GALNT17: variants seen among roughly 807,000 people sequenced by gnomAD.
GALNT17 encodes UDP-GalNAc:polypeptide N-acetylgalactosaminyltransferase-like 3.
Under a neutral mutation model 63.7 loss-of-function variants are expected in GALNT17, and 29 were observed. That is an observed-to-expected ratio of 0.46 (90% CI 0.34 to 0.62). The LOEUF is 0.62. Among genes scored for constraint, GALNT17 ranks in the 20% least tolerant of loss-of-function variants. The probability of loss-of-function intolerance (pLI) is 0.01; values close to 1 mark genes in which losing one functional copy is unlikely to be tolerated. For missense variants in GALNT17, 603 were observed against 799.6 expected (o/e 0.75, Z 2.97); for synonymous variants, 305 against 318.3 (o/e 0.96, Z 0.45).
chr7:71,430,078 C>G (rs1786832917), intron 5 of GALNT17, among the ~76,000 whole-genome samples: 1 of 152,048 alleles, frequency 6.6e-6, no homozygotes, highest in Admixed American at 6.6e-5. Flanking sequence ...ATCTCCTGGC[C>G]TCAAGCAATC....
chr7:71,475,903 C>T (rs558942082), intron 5 of GALNT17, among the ~76,000 whole-genome samples: 95 of 152,216 alleles, frequency 6.2e-4, no homozygotes, highest in African/African-American at 2.2e-3. Flanking sequence ...CAATTTTAGT[C>T]TACAAAATGC....
At chr7:71,377,246 A>G (rs2116304194) in intron 2 of GALNT17, among the ~76,000 whole-genome samples, 1 of 150,638 alleles carries the variant, frequency 6.6e-6, no homozygotes, top group South Asian at 2.1e-4. Context: ...AGCCCCACAA[A>G]TTTTTGGCTA....
At chr7:71,347,355 G>A (rs1792114300) in intron 2 of GALNT17, among the ~76,000 whole-genome samples, 1 of 152,122 alleles carries the variant, frequency 6.6e-6, no homozygotes, top group African/African-American at 2.4e-5. Context: ...ATGTAAAATG[G>A]TGATGTAATC....
At chr7:71,414,175 A>G (rs1405215190) in intron 3 of GALNT17, among the ~76,000 whole-genome samples, 1 of 152,154 alleles carries the variant, frequency 6.6e-6, no homozygotes, top group African/African-American at 2.4e-5. Context: ...CAGGAGGTGG[A>G]GGTTGCAGTG....
chr7:71,597,419 G>C (rs1485000690), intron 6 of GALNT17, among the ~76,000 whole-genome samples: 2 of 152,096 alleles, frequency 1.3e-5, no homozygotes, highest in Non-Finnish European at 2.9e-5. Flanking sequence ...GAGGCAGGAG[G>C]ATCACTTGAG....
intron 5 of GALNT17, among the ~76,000 whole-genome samples, chr7:71,541,374 G>A (rs1453494730): frequency 1.3e-5 from 2 of 151,890 alleles, no homozygotes; most frequent in Admixed American, 1.3e-4. Context: ...CCAACATGGT[G>A]AAATCCCATC....
At chr7:71,511,346 A>G (rs995680948) in intron 5 of GALNT17, among the ~76,000 whole-genome samples, 1 of 152,192 alleles carries the variant, frequency 6.6e-6, no homozygotes, top group African/African-American at 2.4e-5. Flanking sequence ...GAGGGGCAGA[A>G]TGAGGTTAGG....
At chr7:71,237,162 T>C (rs1432677498) in intron 1 of GALNT17, among the ~76,000 whole-genome samples, 1 of 152,126 alleles carries the variant, frequency 6.6e-6, no homozygotes, top group Non-Finnish European at 1.5e-5. Flanking sequence ...ATCGCCTCCT[T>C]CTTTAAATTG....
intron 8 of GALNT17, among the ~76,000 whole-genome samples, chr7:71,672,833 G>C (rs1026485110): frequency 3.3e-5 from 5 of 152,126 alleles, no homozygotes; most frequent in African/African-American, 1.2e-4. Flanking sequence ...TTACAGGCGT[G>C]ATTTTAAAAA....
At chr7:71,661,096 C>T (rs992748907) in intron 6 of GALNT17, among the ~76,000 whole-genome samples, 5 of 152,198 alleles carry the variant, frequency 3.3e-5, no homozygotes, top group Non-Finnish European at 7.3e-5. Flanking sequence ...GTTTCCCCTG[C>T]TCACTGTGGT....
intron 3 of GALNT17, among the ~76,000 whole-genome samples, chr7:71,405,217 A>G (rs561506775): frequency 1.3e-5 from 2 of 152,334 alleles, no homozygotes; most frequent in South Asian, 2.1e-4. Context: ...TCACAACATC[A>G]CATTCACAGG....
intron 2 of GALNT17, among the ~76,000 whole-genome samples, chr7:71,345,056 T>A (rs1247027602): frequency 6.6e-6 from 1 of 152,166 alleles, no homozygotes; most frequent in Non-Finnish European, 1.5e-5. Flanking sequence ...ATGATTTGGC[T>A]CTGTGTTTGT....
At chr7:71,432,999 C>G (rs554900260) in intron 5 of GALNT17, among the ~76,000 whole-genome samples, 2 of 152,252 alleles carry the variant, frequency 1.3e-5, no homozygotes, top group Admixed American at 6.5e-5. Flanking sequence ...TTAGTAGAGA[C>G]AGGGTTTCAC....
chr7:71,193,103 A>ATTTATTTG (rs1554337273), intron 1 of GALNT17, among the ~76,000 whole-genome samples: 35 of 136,440 alleles, frequency 2.6e-4, no homozygotes, highest in Non-Finnish European at 4.7e-4. Flanking sequence ...TTATTTATTT[A>ATTTATTTG]TTTATTTATT....
chr7:71,361,725 C>A (rs1490296643), intron 2 of GALNT17, among the ~76,000 whole-genome samples: 1 of 151,966 alleles, frequency 6.6e-6, no homozygotes, highest in Admixed American at 6.6e-5. Context: ...GGTTGCAAAT[C>A]CTGGTGACTC....
chr7:71,689,064 G>C (rs1791403947), intron 9 of GALNT17, among the ~76,000 whole-genome samples: 1 of 152,052 alleles, frequency 6.6e-6, no homozygotes, highest in Admixed American at 6.6e-5. Flanking sequence ...TGTTACTATT[G>C]TAATTATTCG....
At chr7:71,641,149 A>G (rs984322521) in intron 6 of GALNT17, among the ~76,000 whole-genome samples, 1 of 152,226 alleles carries the variant, frequency 6.6e-6, no homozygotes, top group African/African-American at 2.4e-5. Context: ...CTGTATCCCA[A>G]TAACCATGAT....
chr7:71,267,953 T>C (rs1455012373), intron 1 of GALNT17, among the ~76,000 whole-genome samples: 1 of 149,500 alleles, frequency 6.7e-6, no homozygotes, highest in Non-Finnish European at 1.5e-5. Context: ...AAACAGGGCA[T>C]GGGATGTTGA....
chr7:71,508,612 G>T (rs78385377), intron 5 of GALNT17, among the ~76,000 whole-genome samples: 3,839 of 152,182 alleles, frequency 0.025, 60 homozygotes, highest in African/African-American at 0.038. Context: ...TGCTATCATT[G>T]TGGGTGTAGG....
Sources: gnomAD v4.1 joint callset for allele counts (sites outside exome capture counted in the v4.1 genomes callset) on GRCh38, gnomAD v4.1.1 for gene constraint, MANE v1.5 for transcripts, NCBI Gene and HGNC (gene_info 2026-07-23, HGNC 2026-07-21) for gene names.